ALS2: variants seen among roughly 807,000 people sequenced by gnomAD.
ALS2 encodes alsin.
ALS2 carries 117 observed loss-of-function variants against 203.4 expected under a neutral mutation model. The observed-to-expected ratio is 0.58, with a 90% CI of 0.50 to 0.67. The LOEUF (loss-of-function observed/expected upper bound fraction) is 0.67, where lower values mean the gene tolerates loss of function less well. Ranked by LOEUF, ALS2 falls within the 30% of genes least tolerant of loss-of-function variation. The pLI, the probability that ALS2 is intolerant of heterozygous loss-of-function variation, is 0.00. For missense variants in ALS2, 1,715 were observed against 1,989.4 expected, an observed-to-expected ratio of 0.86 and a Z score of 2.62; for synonymous variants, 718 against 725.9, an observed-to-expected ratio of 0.99 and a Z score of 0.17.
intron 21 of ALS2, 71 bp from the exon 22 acceptor site, chr2:201,723,512 A>C: frequency 4.6e-6 from 6 of 1,300,056 alleles, no homozygotes; most frequent in Non-Finnish European, 6.7e-6. Context: ...CAATTATCAC[A>C]TGGGAGATCC....
intron 1 of ALS2, among the ~76,000 whole-genome samples, chr2:201,772,430 C>G (rs1403137067): frequency 1.3e-5 from 2 of 152,172 alleles, no homozygotes; most frequent in Non-Finnish European, 2.9e-5. Context: ...GTGGCAAAAT[C>G]TAATCTGACC....
At chr2:201,763,586 A>T (rs1426615461) in intron 3 of ALS2, 2 of 264,626 alleles carry the variant, frequency 7.6e-6, no homozygotes, top group East Asian at 1.5e-4. Flanking sequence ...GGGTTTTTAT[A>T]CAAGAAAAAT....
intron 3 of ALS2, among the ~76,000 whole-genome samples, chr2:201,763,817 G>T (rs2106094441): frequency 6.6e-6 from 1 of 152,292 alleles, no homozygotes; most frequent in African/African-American, 2.4e-5. Context: ...GTACACATAA[G>T]CTATGCTGGC....
Position 201,729,056 on chromosome 2 carries a change from A to G in ALS2, c.2708T>C (p.Met903Thr). The G allele has an allele frequency of 6.2e-7, 1 of 1,614,072 alleles. No homozygotes were observed. The highest frequency in any genetic ancestry group is 1.1e-5 in the South Asian group (1 of 91,084). ...ATGACAACTGGCATGGCTTACCGTC[A>G]TTTTTCCGGGGAAGGTCTTCCAGAA... ...LGFWKTFPGK[M>T]TDSLRKPERR... The change falls in exon 14 of 34, where the codon ATG becomes ACG. Residue 903 changes from methionine to threonine, a missense_variant. Met to Thr is a moderately conservative substitution (Grantham distance 81). Coordinates refer to ENST00000264276, the MANE Select transcript of ALS2 (RefSeq NM_020919.4).
intron 10 of ALS2, 60 bp from the exon 11 acceptor site, chr2:201,741,914 ATGTGAT>A: frequency 1.4e-6 from 2 of 1,422,654 alleles, no homozygotes; most frequent in Non-Finnish European, 9.8e-7. Context: ...CTTTATTATG[ATGTGAT>A]TATGATTATG....
intron 14 of ALS2, 152 bp from the exon 15 acceptor site, chr2:201,728,792 A>G (rs559580782): frequency 9.4e-7 from 1 of 1,063,972 alleles, no homozygotes; most frequent in Non-Finnish European, 1.3e-6. Flanking sequence ...GGATCTAAAC[A>G]CTTCACAAAA....
chr2:201,721,285 G>C (rs1458753196), intron 23 of ALS2, among the ~76,000 whole-genome samples: 1 of 152,100 alleles, frequency 6.6e-6, no homozygotes, highest in Non-Finnish European at 1.5e-5. Context: ...ATCTTAGCAA[G>C]GTTTATTGCA....
intron 14 of ALS2, 107 bp from the exon 15 acceptor site, chr2:201,728,747 GTAGCT>G (rs1358240316): frequency 7.4e-7 from 1 of 1,357,070 alleles, no homozygotes; most frequent in East Asian, 2.4e-5. Context: ...TTTGCTGGTC[GTAGCT>G]TAGCTTGGTG....
chr2:201,702,671 G>C (rs1689463742), intron 33 of ALS2, among the ~76,000 whole-genome samples: 1 of 152,164 alleles, frequency 6.6e-6, no homozygotes, highest in African/African-American at 2.4e-5. Context: ...GTGAGGTTGA[G>C]TATTTTTCTA....
chr2:201,760,279 C>T, intron 4 of ALS2: 1 of 938,454 alleles, frequency 1.1e-6, no homozygotes, highest in Non-Finnish European at 1.3e-6. Flanking sequence ...TTACTGCACT[C>T]CAGCCTGGGT....
intron 12 of ALS2, among the ~76,000 whole-genome samples, chr2:201,738,352 G>A (rs950161664): frequency 1.3e-5 from 2 of 152,078 alleles, no homozygotes; most frequent in Non-Finnish European, 2.9e-5. Flanking sequence ...TCTCCAATGG[G>A]AGAGAACATT....
At position 201,726,692 on chromosome 2, in the gene ALS2, G is replaced by GTCC; in HGVS notation, c.3151_3153dup (p.Gly1051dup). 6.2e-7 allele frequency: 1 copy of GTCC among 1,614,162 alleles called. No homozygotes were observed. The highest frequency in any genetic ancestry group is 8.5e-7 in the Non-Finnish European group (1 of 1,180,024). ...CCATGAGGCTTCCCTGAAAGCCAGC[G>GTCC]TCCATCATAGGTGGCATCCTTTAGG... is the stretch of plus-strand genomic sequence containing the variant. On this transcript the variant is annotated inframe_insertion, in exon 18 of 34. Transcript: ENST00000264276.
At chr2:201,722,666 T>C (rs909614221) in intron 23 of ALS2, 2 of 196,972 alleles carry the variant, frequency 1.0e-5, no homozygotes, top group Admixed American at 1.1e-4. Flanking sequence ...ATACTATACA[T>C]GCCACAATAT....
At chr2:201,759,567 T>A in intron 4 of ALS2, 1 of 982,842 alleles carries the variant, frequency 1.0e-6, no homozygotes, top group Non-Finnish European at 1.2e-6. Context: ...GCATGTACAG[T>A]CTAAGAATTT....
At position 201,724,462 on chromosome 2, in the gene ALS2, G is replaced by A. The variant is rs1691020957; in HGVS notation, c.3348-3C>T. 3 of 1,613,852 alleles carry A rather than the reference G, an allele frequency of 1.9e-6. No homozygotes were observed. Among genetic ancestry groups the A allele is most frequent in the African/African-American group, 2.7e-5 (2 of 75,052 alleles). ...CAAATACTTCACCAGAAGCATAGCT[G>A]TGGTTGGAAAGAATGGATAATTATC... On this transcript the variant is annotated splice_region_variant and splice_polypyrimidine_tract_variant and intron_variant, in intron 20 of 33. Transcript: ENST00000264276.
At chr2:201,768,692 CAACT>C (rs766748130) in intron 2 of ALS2, among the ~76,000 whole-genome samples, 170 bp downstream of exon 2, 1 of 152,130 alleles carries the variant, frequency 6.6e-6, no homozygotes, top group South Asian at 2.1e-4. Flanking sequence ...ACAAAGCTTA[CAACT>C]AACAAGCCTT....
intron 25 of ALS2, among the ~76,000 whole-genome samples, chr2:201,713,133 CTTTTTT>C (rs35807671): frequency 2.1e-5 from 2 of 96,256 alleles, no homozygotes; most frequent in Admixed American, 2.7e-4. Flanking sequence ...CTTTTCTTTT[CTTTTTT>C]TTTTTTTTTT....
intron 3 of ALS2, chr2:201,765,967 G>A (rs2106099018): frequency 6.1e-6 from 1 of 163,056 alleles, no homozygotes; most frequent in Non-Finnish European, 1.5e-5. Flanking sequence ...CTGACTTTCA[G>A]TTTCCTTGTC....
intron 26 of ALS2, 76 bp downstream of exon 26, chr2:201,710,915 G>T: frequency 1.1e-6 from 1 of 913,066 alleles, no homozygotes; most frequent in Non-Finnish European, 1.8e-6. Flanking sequence ...ATTAAGCTGT[G>T]AGTCTATCTG....
Sources: gnomAD v4.1 joint callset for allele counts (sites outside exome capture counted in the v4.1 genomes callset) on GRCh38, gnomAD v4.1.1 for gene constraint, MANE v1.5 for transcripts, NCBI Gene and HGNC (gene_info 2026-07-23, HGNC 2026-07-21) for gene names.